The following PATJ variants were observed in gnomAD, a reference collection of about 807,000 sequenced individuals.
The protein encoded by PATJ is inaD-like protein.
A neutral mutation model predicts 224.9 loss-of-function variants in PATJ; 190 were observed. The observed-to-expected ratio is 0.84, with a 90% CI of 0.75 to 0.95. The LOEUF is 0.95. Ranked by LOEUF, PATJ falls within the 40% of genes least tolerant of loss-of-function variation. PATJ has a pLI of 0.00. For synonymous variants in PATJ, 769 were observed against 820.3 expected, an observed-to-expected ratio of 0.94 and a Z score of 1.07; for missense variants, 2,121 against 2,270.3, an observed-to-expected ratio of 0.93 and a Z score of 1.34.
chr1:61,988,942 G>A (rs1644913819), intron 27 of PATJ, among the ~76,000 whole-genome samples: 1 of 152,126 alleles, frequency 6.6e-6, no homozygotes, highest in Non-Finnish European at 1.5e-5. Flanking sequence ...GTTCCAAGAG[G>A]GTCACAATCT....
At chr1:61,784,790 G>A (rs1040227375) in intron 7 of PATJ, among the ~76,000 whole-genome samples, 1 of 152,180 alleles carries the variant, frequency 6.6e-6, no homozygotes, top group African/African-American at 2.4e-5. Context: ...TTTCAAGTCT[G>A]TTGCATGCAT....
chr1:62,013,595 T>C (rs1314187806), intron 28 of PATJ: 1 of 762,710 alleles, frequency 1.3e-6, no homozygotes, highest in Non-Finnish European at 1.6e-6. Context: ...TGTTGTGTTG[T>C]GGTATAAGTG....
intron 27 of PATJ, among the ~76,000 whole-genome samples, chr1:61,940,760 C>A (rs913033203): frequency 6.6e-6 from 1 of 151,126 alleles, no homozygotes; most frequent in Non-Finnish European, 1.5e-5. Context: ...AAAAGAAATT[C>A]TAGCATAAGA....
At chr1:62,134,998 CTATGTGAG>C (rs1666674718) in intron 41 of PATJ, among the ~76,000 whole-genome samples, 1 of 69,336 alleles carries the variant, frequency 1.4e-5, no homozygotes, top group Non-Finnish European at 2.9e-5. Context: ...GCGTCATGGC[CTATGTGAG>C]TATCACTAAA....
intron 17 of PATJ, 144 bp from the exon 18 acceptor site, chr1:61,855,886 T>C (rs535572727): frequency 2.5e-5 from 16 of 635,674 alleles, no homozygotes; most frequent in Admixed American, 5.7e-5. Context: ...AATTTATTTT[T>C]ACCTGTTTAG....
intron 28 of PATJ, among the ~76,000 whole-genome samples, chr1:62,016,540 T>C (rs770914777): frequency 2.0e-5 from 3 of 152,180 alleles, no homozygotes; most frequent in Non-Finnish European, 4.4e-5. Context: ...AAGGAAAAAG[T>C]CAAAACTGTA....
intron 7 of PATJ, among the ~76,000 whole-genome samples, chr1:61,785,577 C>T (rs1206373184): frequency 6.6e-6 from 1 of 152,114 alleles, no homozygotes; most frequent in Non-Finnish European, 1.5e-5. Flanking sequence ...GATTTTGAAC[C>T]TGTAAGGTGC....
intron 31 of PATJ, among the ~76,000 whole-genome samples, chr1:62,062,392 CTTTTTTTTTTTTT>C (rs60747316): frequency 1.4e-3 from 40 of 28,482 alleles, no homozygotes; most frequent in South Asian, 3.3e-3. Flanking sequence ...ATGTTGTCTT[CTTTTTTTTTTTTT>C]TTTTTTTTTT....
At chr1:61,813,935 A>G (rs1655486639) in intron 14 of PATJ, among the ~76,000 whole-genome samples, 1 of 152,152 alleles carries the variant, frequency 6.6e-6, no homozygotes. Flanking sequence ...GAAATGGCCA[A>G]TAAATGGTAG....
At chr1:61,818,988 T>G (rs529426515) in intron 14 of PATJ, among the ~76,000 whole-genome samples, 11 of 152,298 alleles carry the variant, frequency 7.2e-5, no homozygotes, top group African/African-American at 2.4e-4. Flanking sequence ...GATCTTTGTT[T>G]TAATTTGGAC....
chr1:62,127,901 A>G (rs911419106), intron 39 of PATJ, 71 bp from the exon 40 acceptor site: 8 of 1,525,624 alleles, frequency 5.2e-6, no homozygotes, highest in Non-Finnish European at 6.3e-6. Context: ...TCCAACAGCT[A>G]TCTATCTAGG....
chr1:62,125,888 G>A lies in PATJ; in HGVS notation c.5044-2084G>A, dbSNP rs80070077. ...AGGTTCAAGTCATTCTCCTCCCTCA[G>A]CCTCCCAGGTAATTGGGATTACAGG... is the stretch of plus-strand genomic sequence containing the variant. On this transcript the variant is annotated intron_variant, in intron 39 of 43. Transcript: ENST00000642238. Among the ~76,000 whole-genome samples the A allele has an allele frequency of 4.8e-3, 724 of 152,174 alleles. 16 individuals are homozygous for A. In the East Asian group the frequency reaches 0.078, roughly 16 times the overall value.
intron 14 of PATJ, among the ~76,000 whole-genome samples, chr1:61,813,559 C>T (rs564145459): frequency 5.2e-4 from 79 of 151,686 alleles, no homozygotes; most frequent in African/African-American, 1.8e-3. Context: ...GTGCTAGGTC[C>T]GCTACTGGGT....
chr1:62,038,750 C>T, intron 30 of PATJ: 33 of 415,312 alleles, frequency 7.9e-5, no homozygotes, highest in South Asian at 1.9e-4. Context: ...ATATAGTGTC[C>T]CTTTTAATAA....
At chr1:61,917,409 A>G (rs1673606461) in intron 26 of PATJ, among the ~76,000 whole-genome samples, 1 of 152,240 alleles carries the variant, frequency 6.6e-6, no homozygotes, top group East Asian at 1.9e-4. Flanking sequence ...AATTTTTACC[A>G]TGAATGGCAC....
rs750068849 is a variant in PATJ at position 61,763,108 on chromosome 1, GAGACACTAA to G, written c.122_130del (p.Thr41_Lys43del). On this transcript the variant is annotated inframe_deletion, in exon 3 of 44. Coordinates refer to ENST00000642238, the MANE Select transcript of PATJ (RefSeq NM_001350145.3). ...GAATGAGAAGTTATCTATGTTTTAT[GAGACACTAA>G]AGAGTCCTCTCTTCAACCAGATACT... 6.2e-7 allele frequency: 1 copy of G among 1,610,918 alleles called. No individual in the cohort carries two copies. Among genetic ancestry groups the G allele is most frequent in the Non-Finnish European group, 8.5e-7 (1 of 1,178,040 alleles).
chr1:61,768,262 G>A (rs1355737540), intron 4 of PATJ, among the ~76,000 whole-genome samples: 1 of 151,922 alleles, frequency 6.6e-6, no homozygotes, highest in African/African-American at 2.4e-5. Context: ...GAGGTCAGGA[G>A]ATCGAGACCA....
chr1:62,063,158 A>G (rs563667675), intron 31 of PATJ, among the ~76,000 whole-genome samples: 10 of 152,298 alleles, frequency 6.6e-5, no homozygotes, highest in African/African-American at 2.4e-4. Flanking sequence ...TAAGTCTTCA[A>G]TCCATCTTGA....
At chr1:61,992,242 C>T (rs1003227457) in intron 28 of PATJ, among the ~76,000 whole-genome samples, 3 of 151,848 alleles carry the variant, frequency 2.0e-5, no homozygotes, top group African/African-American at 7.3e-5. Flanking sequence ...CTCAGCCTCC[C>T]GAGTAGCCAG....
Sources: gnomAD v4.1 joint callset for allele counts (sites outside exome capture counted in the v4.1 genomes callset) on GRCh38, gnomAD v4.1.1 for gene constraint, MANE v1.5 for transcripts, NCBI Gene and HGNC (gene_info 2026-07-23, HGNC 2026-07-21) for gene names.